Variants in DNAH12 observed in about 807,000 individuals in gnomAD.
DNAH12 encodes dynein axonemal heavy chain 12.
DNAH12 carries 285 observed loss-of-function variants against 371.5 expected under a neutral mutation model. The observed-to-expected ratio is 0.77, with a 90% CI of 0.70 to 0.85. The LOEUF (loss-of-function observed/expected upper bound fraction) is 0.85, where lower values mean the gene tolerates loss of function less well. Ranked by LOEUF, DNAH12 falls within the 40% of genes least tolerant of loss-of-function variation. The pLI is 0.00. For missense variants in DNAH12, 3,611 were observed against 3,689.4 expected, an observed-to-expected ratio of 0.98 and a Z score of 0.55; for synonymous variants, 1,200 against 1,213.0, an observed-to-expected ratio of 0.99 and a Z score of 0.22.
chr3:57,305,451 T>A (rs1207217375), intron 69 of DNAH12, among the ~76,000 whole-genome samples: 1 of 152,132 alleles, frequency 6.6e-6, no homozygotes, highest in Non-Finnish European at 1.5e-5. Flanking sequence ...CGGTCCAGCT[T>A]ACAGTTTCAT....
At chr3:57,410,466 C>T (rs1196761556) in intron 39 of DNAH12, among the ~76,000 whole-genome samples, 1 of 152,160 alleles carries the variant, frequency 6.6e-6, no homozygotes, top group Non-Finnish European at 1.5e-5. Context: ...CCCCATCTCT[C>T]TCCCTCTTCT....
rs1169602185 is a variant in DNAH12 at position 57,371,941 on chromosome 3, C to CAAAAAAAA, written c.8759+3422_8759+3429dup. ...TGTCAACCCAGAATTCTAAACTCAG[C>CAAAAAAAA]AAAAAAAAAAAAAAAAAAAAAAAAT... On this transcript the variant is annotated intron_variant, in intron 55 of 73. Coordinates refer to ENST00000495027, the MANE Select transcript of DNAH12 (RefSeq NM_001366028.2). 3.8e-3 allele frequency among the ~76,000 whole-genome samples: 99 copies of CAAAAAAAA among 25,852 alleles called. 3 individuals are homozygous for CAAAAAAAA. The highest frequency in any genetic ancestry group is 0.019 in the African/African-American group (86 of 4,496). 17.0% of individuals were successfully genotyped at this position (25,852 alleles called of 152,430 possible).
chr3:57,446,013 ATAAATAAATAAT>A lies in DNAH12; in HGVS notation c.4179+6_4179+17del, dbSNP rs139063171. ...AAACATAAAATAAATAAATAAATAA[ATAAATAAATAAT>A]ATTACCTTAAGATTGTCCGGCAATT... On this transcript the variant is annotated splice_donor_region_variant and intron_variant, in intron 27 of 73. Transcript: ENST00000495027. The A allele has an allele frequency of 0.5, 741,346 of 1,474,684 alleles. 190,102 individuals carry two copies. The highest frequency in any genetic ancestry group is 0.62 in the South Asian group (44,136 of 70,710). The allele number at this position is 1,474,684 out of a possible 1,614,324, so 91.3% of individuals were successfully genotyped here.
intron 29 of DNAH12, among the ~76,000 whole-genome samples, chr3:57,439,478 T>A (rs1244461895): frequency 6.6e-6 from 1 of 152,192 alleles, no homozygotes; most frequent in Middle Eastern, 3.2e-3. Flanking sequence ...AGTGCTAGGA[T>A]GGCTTGTTAG....
Position 57,458,140 on chromosome 3 carries a change from A to G in DNAH12, c.3012T>C (p.Gly1004=). The G allele has an allele frequency of 6.5e-7, 1 of 1,550,286 alleles. No individual in the cohort carries two copies. Among genetic ancestry groups the G allele is most frequent in the Non-Finnish European group, 8.7e-7 (1 of 1,146,670 alleles). The change falls in exon 21 of 74, where the codon GGT becomes GGC. Residue 1004 remains glycine (G), a synonymous_variant. Transcript: ENST00000495027. ...CNELLEKIMK[G]LNAYLEKKRL... is the part of the protein sequence containing the mutation. ...GTTTCTTTTCAAGATATGCGTTAAG[A>G]CCTTTCATAATTTTCTCCAAAAGTT... is the stretch of plus-strand genomic sequence containing the variant.
At chr3:57,389,056 AAAAT>A (rs1488709139) in intron 45 of DNAH12, among the ~76,000 whole-genome samples, 34 of 152,146 alleles carry the variant, frequency 2.2e-4, no homozygotes, top group Admixed American at 1.3e-3. Context: ...AGTATAATAA[AAAAT>A]AAATAAATTA....
chr3:57,441,940 A>G (rs558547012), intron 29 of DNAH12, among the ~76,000 whole-genome samples: 2 of 152,318 alleles, frequency 1.3e-5, no homozygotes, highest in South Asian at 2.1e-4. Context: ...AAAAAATATT[A>G]AAACAGCCAG....
intron 57 of DNAH12, among the ~76,000 whole-genome samples, chr3:57,365,201 A>G (rs2063022511): frequency 6.6e-6 from 1 of 152,242 alleles, no homozygotes; most frequent in Non-Finnish European, 1.5e-5. Context: ...AAGACATGGA[A>G]TCAACCTAAG....
the DNAH12 span, among the ~76,000 whole-genome samples, chr3:57,551,331 G>A: frequency 1.3e-5 from 2 of 151,546 alleles, no homozygotes; most frequent in Admixed American, 6.6e-5. Context: ...GAGTGCAGTG[G>A]CGCGATCTCG....
chr3:57,352,590 T>C (rs2062704450), intron 59 of DNAH12, among the ~76,000 whole-genome samples: 2 of 146,474 alleles, frequency 1.4e-5, no homozygotes, highest in South Asian at 2.1e-4. Context: ...GTTTACACCA[T>C]CTCTCTATTT....
intron 39 of DNAH12, among the ~76,000 whole-genome samples, chr3:57,410,832 G>T (rs1553682745): frequency 7.2e-6 from 1 of 138,550 alleles, no homozygotes; most frequent in Non-Finnish European, 1.6e-5. Flanking sequence ...AAAAAAAAAA[G>T]CCAAAAACGT....
intron 69 of DNAH12, 101 bp downstream of exon 69, chr3:57,309,050 C>T: frequency 1.2e-6 from 1 of 851,264 alleles, no homozygotes; most frequent in Non-Finnish European, 1.7e-6. Context: ...TCATACCACC[C>T]TCAAAATTTT....
intron 8 of DNAH12, among the ~76,000 whole-genome samples, chr3:57,507,093 T>A (rs6780496): frequency 6.6e-6 from 1 of 151,348 alleles, no homozygotes; most frequent in East Asian, 1.9e-4. Flanking sequence ...AGGTCTTTAC[T>A]GAAAGGGAAA....
At position 57,309,177 on chromosome 3, in the gene DNAH12, T is replaced by TA. The variant is rs1373419535; in HGVS notation, c.11162dup (p.Leu3721PhefsTer9). The TA allele has an allele frequency of 6.5e-7, 1 of 1,548,972 alleles. No homozygotes were observed. Among genetic ancestry groups the TA allele is most frequent in the Non-Finnish European group, 8.7e-7 (1 of 1,146,256 alleles). ...TGTTAAATCTTTCCATTTCTTGTAC[T>TA]AACACAGTATTCATGCTTTCTTCAT... is the stretch of plus-strand genomic sequence containing the variant. On this transcript the variant is annotated frameshift_variant, in exon 69 of 74. Coordinates refer to ENST00000495027, the MANE Select transcript of DNAH12 (RefSeq NM_001366028.2). LOFTEE classifies it high-confidence loss of function.
At chr3:57,294,279 C>T (rs575065647) in intron 73 of DNAH12, among the ~76,000 whole-genome samples, 17 of 150,900 alleles carry the variant, frequency 1.1e-4, no homozygotes, top group Admixed American at 3.3e-4. Context: ...CAGGTTCAAG[C>T]GATTCTCTTG....
At chr3:57,384,286 T>C (rs1183516732) in intron 49 of DNAH12, among the ~76,000 whole-genome samples, 1 of 151,916 alleles carries the variant, frequency 6.6e-6, no homozygotes, top group Admixed American at 6.6e-5. Context: ...CCTCTTGGAG[T>C]CTATTCGTCT....
At position 57,301,815 on chromosome 3, in the gene DNAH12, A is replaced by T. The variant is rs1037668531; in HGVS notation, c.11314T>A (p.Trp3772Arg). ...SLLVGKVPEI[W>R]AKRSYPSLKP... ...AGGCTTGGGTATGAACGTTTGGCCCATATTTCTGGAACCTTTCCAACAAGT... is the reference window on the plus strand; with the variant it reads ...AGGCTTGGGTATGAACGTTTGGCCCTTATTTCTGGAACCTTTCCAACAAGT... The change falls in exon 70 of 74, where the codon TGG (tryptophan) becomes AGG (arginine). Residue 3772 changes from tryptophan (W) to arginine (R), a missense_variant. Transcript: ENST00000495027. The T allele has an allele frequency of 6.4e-7, 1 of 1,551,668 alleles. No individual in the cohort carries two copies. Among genetic ancestry groups the T allele is most frequent in the Non-Finnish European group, 8.7e-7 (1 of 1,146,992 alleles).
intron 32 of DNAH12, 113 bp downstream of exon 32, chr3:57,433,254 C>A: frequency 8.0e-7 from 1 of 1,252,588 alleles, no homozygotes; most frequent in South Asian, 2.2e-5. Flanking sequence ...ACTCAACTTG[C>A]TGCATCCTTT....
intron 45 of DNAH12, among the ~76,000 whole-genome samples, chr3:57,391,084 A>T (rs2063612667): frequency 6.6e-6 from 1 of 152,086 alleles, no homozygotes; most frequent in South Asian, 2.1e-4. Flanking sequence ...ATAATGGTTC[A>T]TTTTATGTGT....
Sources: gnomAD v4.1 joint callset for allele counts (sites outside exome capture counted in the v4.1 genomes callset) on GRCh38, gnomAD v4.1.1 for gene constraint, MANE v1.5 for transcripts, NCBI Gene and HGNC (gene_info 2026-07-23, HGNC 2026-07-21) for gene names.